The following CBFB variants were observed in gnomAD, a reference collection of about 807,000 sequenced individuals.
The protein encoded by CBFB is CBF-beta.
In CBFB, 9 loss-of-function variants were observed where a neutral mutation model predicts 30.4. The observed-to-expected ratio is 0.30, with a 90% CI of 0.18 to 0.52. CBFB has a LOEUF of 0.52. Among genes scored for constraint, CBFB ranks in the 20% least tolerant of loss-of-function variants. CBFB has a pLI of 0.97. For missense variants in CBFB, 170 were observed against 244.0 expected, an observed-to-expected ratio of 0.70 and a Z score of 2.02; for synonymous variants, 94 against 84.0, an observed-to-expected ratio of 1.12 and a Z score of -0.65.
chr16:67,086,619 A>G (rs915094647), intron 5 of CBFB, among the ~76,000 whole-genome samples: 6 of 152,222 alleles, frequency 3.9e-5, no homozygotes, highest in Non-Finnish European at 7.3e-5. Flanking sequence ...AGAGCCTGCT[A>G]TGATAGTTCA....
At chr16:67,055,513 C>G (rs1170291695) in intron 3 of CBFB, among the ~76,000 whole-genome samples, 1 of 151,724 alleles carries the variant, frequency 6.6e-6, no homozygotes, top group Non-Finnish European at 1.5e-5. Flanking sequence ...GCCACCACGC[C>G]CAGCTGATTT....
At chr16:67,045,693 T>A (rs911321718) in intron 3 of CBFB, among the ~76,000 whole-genome samples, 1 of 152,178 alleles carries the variant, frequency 6.6e-6, no homozygotes, top group African/African-American at 2.4e-5. Context: ...AAATTCTCTT[T>A]CATGACCTTT....
chr16:67,086,411 G>T (rs1961733073), intron 5 of CBFB, among the ~76,000 whole-genome samples: 1 of 152,088 alleles, frequency 6.6e-6, no homozygotes, highest in South Asian at 2.1e-4. Context: ...ATTTCTACTA[G>T]TGTTCTTATT....
At chr16:67,095,953 A>C (rs879707805) in intron 5 of CBFB, among the ~76,000 whole-genome samples, 31 of 151,340 alleles carry the variant, frequency 2.0e-4, no homozygotes, top group Non-Finnish European at 3.2e-4. Flanking sequence ...TGGCCTCCCA[A>C]AGTGCTGGGA....
At chr16:67,079,183 T>G (rs566961242) in intron 4 of CBFB, among the ~76,000 whole-genome samples, 1 of 152,352 alleles carries the variant, frequency 6.6e-6, no homozygotes, top group East Asian at 1.9e-4. Flanking sequence ...TCAGTATGCT[T>G]AAGCACTTTT....
chr16:67,062,190 CAG>C (rs1346137411), intron 3 of CBFB, among the ~76,000 whole-genome samples: 3 of 149,336 alleles, frequency 2.0e-5, no homozygotes, highest in South Asian at 2.1e-4. Flanking sequence ...TTTTTTGAGA[CAG>C]AGTTTTGCTG....
rs900493502 is a variant in CBFB at position 67,036,569 on chromosome 16, A to T, written c.166-70A>T. 4.2e-5 allele frequency: 37 copies of T among 887,790 alleles called. No homozygotes were observed. The Admixed American group carries it at 6.5e-4, about 16-fold the overall frequency. 55.0% of individuals were successfully genotyped at this position (887,790 alleles called of 1,614,324 possible). The stretch of plus-strand genomic sequence containing the variant: ...GCTTAAGACATAAACTGATGTAAAA[A>T]TAAATGACTGCTTGCATAATTTATG... On this transcript the variant is annotated intron_variant, in intron 2 of 5. Coordinates refer to ENST00000412916, the MANE Select transcript of CBFB (RefSeq NM_022845.3).
At position 67,036,830 on chromosome 16, in the gene CBFB, A is replaced by C. The variant is rs769670185; in HGVS notation, c.282+75A>C. ...AGATTATCTGGTAATTTACATTTTAATAAAGATCACAGATCTGATTATACC... is the reference window on the plus strand; with the variant it reads ...AGATTATCTGGTAATTTACATTTTACTAAAGATCACAGATCTGATTATACC... On this transcript the variant is annotated intron_variant, in intron 3 of 5. Coordinates refer to ENST00000412916, the MANE Select transcript of CBFB (RefSeq NM_022845.3). The C allele has an allele frequency of 5.8e-6, 5 of 858,400 alleles. No homozygotes were observed. In the Admixed American group the frequency reaches 8.6e-5, roughly 15 times the overall value. 53.2% of individuals were successfully genotyped at this position (858,400 alleles called of 1,614,324 possible). A position where few individuals can be genotyped will look rare whatever the true frequency, so the allele number is the denominator to read the frequency against.
chr16:67,079,012 T>C (rs968130093), intron 4 of CBFB, among the ~76,000 whole-genome samples: 5 of 152,144 alleles, frequency 3.3e-5, no homozygotes, highest in African/African-American at 1.2e-4. Flanking sequence ...CCTAAGTGCA[T>C]AGAAAGCCGT....
At chr16:67,074,031 AAAAAAAC>A (rs1414603371) in intron 4 of CBFB, among the ~76,000 whole-genome samples, 27 of 152,312 alleles carry the variant, frequency 1.8e-4, no homozygotes, top group South Asian at 4.1e-4. Flanking sequence ...CTCCATCTCA[AAAAAAAC>A]AAAAAACAAA....
intron 2 of CBFB, among the ~76,000 whole-genome samples, chr16:67,035,377 C>A (rs1385032512): frequency 6.6e-6 from 1 of 152,258 alleles, no homozygotes; most frequent in African/African-American, 2.4e-5. Flanking sequence ...AACCACTGCT[C>A]CTGGCCTGAA....
At chr16:67,029,645 T>A in intron 1 of CBFB, 82 bp from the exon 2 acceptor site, 2 of 1,384,850 alleles carry the variant, frequency 1.4e-6, no homozygotes, top group Non-Finnish European at 2.0e-6. Flanking sequence ...CTGCTTGCCC[T>A]TATCGGCGCT....
At chr16:67,031,499 T>C (rs976208390) in intron 2 of CBFB, among the ~76,000 whole-genome samples, 1 of 152,212 alleles carries the variant, frequency 6.6e-6, no homozygotes, top group Non-Finnish European at 1.5e-5. Context: ...ACAAAGTACT[T>C]GTACTCTCAC....
chr16:67,088,000 T>C (rs1471561261), intron 5 of CBFB, among the ~76,000 whole-genome samples: 1 of 152,026 alleles, frequency 6.6e-6, no homozygotes, highest in Non-Finnish European at 1.5e-5. Context: ...CTCTGAAGTG[T>C]ATCAAGGCAC....
intron 3 of CBFB, among the ~76,000 whole-genome samples, chr16:67,050,669 T>C (rs1428082860): frequency 2.6e-5 from 4 of 152,166 alleles, no homozygotes; most frequent in Non-Finnish European, 5.9e-5. Flanking sequence ...GGCATGCACC[T>C]GTAGTCCTAG....
chr16:67,054,188 C>T (rs1001891528), intron 3 of CBFB, among the ~76,000 whole-genome samples: 6 of 151,850 alleles, frequency 4.0e-5, no homozygotes, highest in South Asian at 2.1e-4. Context: ...TCTTGGTTTA[C>T]GGTCTCTTTG....
intron 3 of CBFB, among the ~76,000 whole-genome samples, chr16:67,038,033 C>A (rs563639241): frequency 6.6e-6 from 1 of 151,896 alleles, no homozygotes; most frequent in East Asian, 1.9e-4. Context: ...AAGGAGTTGA[C>A]TTCTAGAATA....
chr16:67,098,652 C>G, intron 5 of CBFB, 58 bp from the exon 6 acceptor site: 1 of 971,264 alleles, frequency 1.0e-6, no homozygotes. Flanking sequence ...TTTTGTATAT[C>G]TAGTATTTTG....
intron 5 of CBFB, among the ~76,000 whole-genome samples, chr16:67,083,697 T>C (rs966248806): frequency 2.6e-5 from 4 of 152,152 alleles, no homozygotes; most frequent in East Asian, 1.9e-4. Context: ...TGAGCTTTTT[T>C]CCCCCCACTT....
Sources: allele counts gnomAD v4.1 joint callset (sites outside exome capture counted in the v4.1 genomes callset), GRCh38; gene constraint gnomAD v4.1.1; transcripts MANE v1.5; gene names NCBI Gene and HGNC (gene_info 2026-07-23, HGNC 2026-07-21).